Variants in MARCHF5 observed in about 807,000 individuals in gnomAD.
MARCHF5 encodes the protein membrane associated ring-CH-type finger 5, also known as E3 ubiquitin-protein ligase MARCHF5.
Under a neutral mutation model 36.5 loss-of-function variants are expected in MARCHF5, and 5 were observed. That is an observed-to-expected ratio of 0.14 (90% CI 0.07 to 0.29). The LOEUF (loss-of-function observed/expected upper bound fraction) is 0.29. Among genes scored for constraint, MARCHF5 ranks in the 10% least tolerant of loss-of-function variants. The pLI is 1.00. For synonymous variants in MARCHF5, 103 were observed against 109.9 expected (o/e 0.94, Z 0.39); for missense variants, 179 against 336.3 (o/e 0.53, Z 3.66).
chr10:92,306,728 G>A (rs186820635), intron 1 of MARCHF5, among the ~76,000 whole-genome samples: 2 of 152,186 alleles, frequency 1.3e-5, no homozygotes, highest in Admixed American at 1.3e-4. Flanking sequence ...CTGGTCAGTC[G>A]GATGGGCAGG....
chr10:92,321,512 G>T (rs959462769), intron 2 of MARCHF5, among the ~76,000 whole-genome samples: 167 of 152,028 alleles, frequency 1.1e-3, no homozygotes, highest in Admixed American at 0.011. Context: ...CTCATAATGG[G>T]TATTGGTCTG....
intron 2 of MARCHF5, among the ~76,000 whole-genome samples, chr10:92,311,603 A>G (rs1843145502): frequency 6.6e-6 from 1 of 152,178 alleles, no homozygotes; most frequent in Non-Finnish European, 1.5e-5. Flanking sequence ...CTGTGTGGAT[A>G]TAATTGAATA....
chr10:92,339,052 A>AT (rs1432797674), intron 2 of MARCHF5, among the ~76,000 whole-genome samples: 2 of 151,656 alleles, frequency 1.3e-5, no homozygotes, highest in Non-Finnish European at 2.9e-5. Flanking sequence ...CTCAAAAAAA[A>AT]AAAAATTAAA....
At chr10:92,319,537 G>A (rs1231964360) in intron 2 of MARCHF5, among the ~76,000 whole-genome samples, 3 of 151,836 alleles carry the variant, frequency 2.0e-5, no homozygotes, top group Admixed American at 6.6e-5. Context: ...CTCGTGATCT[G>A]CCTGTCTCGG....
At chr10:92,295,154 G>A (rs1260604957) in intron 1 of MARCHF5, among the ~76,000 whole-genome samples, 1 of 152,092 alleles carries the variant, frequency 6.6e-6, no homozygotes, top group Admixed American at 6.5e-5. Flanking sequence ...GTATATAGTG[G>A]TGAATTGAAC....
intron 1 of MARCHF5, among the ~76,000 whole-genome samples, chr10:92,310,905 A>G (rs1319449645): frequency 6.6e-6 from 1 of 152,260 alleles, no homozygotes; most frequent in South Asian, 2.1e-4. Context: ...TTACATAAAA[A>G]CAAAGTTCAG....
chr10:92,343,088 G>A (rs1183387899), intron 3 of MARCHF5, among the ~76,000 whole-genome samples: 1 of 152,218 alleles, frequency 6.6e-6, no homozygotes, highest in Non-Finnish European at 1.5e-5. Context: ...ACTTTAGCAT[G>A]ATTTGATACA....
intron 2 of MARCHF5, among the ~76,000 whole-genome samples, chr10:92,336,135 G>C (rs1471445462): frequency 6.6e-6 from 1 of 152,042 alleles, no homozygotes; most frequent in Non-Finnish European, 1.5e-5. Flanking sequence ...TCCCAGGTTC[G>C]AGCGATTCTT....
chr10:92,331,964 C>T (rs926831671), intron 2 of MARCHF5, among the ~76,000 whole-genome samples: 2 of 145,176 alleles, frequency 1.4e-5, no homozygotes, highest in African/African-American at 2.5e-5. Context: ...TATATATAAT[C>T]GTATATATAT....
intron 1 of MARCHF5, among the ~76,000 whole-genome samples, chr10:92,309,653 T>G (rs994269832): frequency 2.0e-5 from 3 of 152,250 alleles, no homozygotes; most frequent in African/African-American, 7.2e-5. Context: ...AACCAGCCTG[T>G]GTGCTAGTAT....
chr10:92,349,805 A>G lies in MARCHF5; in HGVS notation c.688A>G (p.Ser230Gly). The change falls in exon 5 of 6, where the codon AGT becomes GGT. Residue 230 changes from serine to glycine, a missense_variant. Transcript: ENST00000358935. ...AATAGTTGGTAAATTGATGTTCAGT[A>G]GTGTTAACTCTAATTTACAAAGGAC... ...ATIVGKLMFS[S>G]VNSNLQRTIL... The G allele has an allele frequency of 6.2e-7, 1 of 1,613,706 alleles. No homozygotes were observed. The highest frequency in any genetic ancestry group is 8.5e-7 in the Non-Finnish European group (1 of 1,179,680).
At chr10:92,325,274 TC>T (rs1180817052) in intron 2 of MARCHF5, among the ~76,000 whole-genome samples, 1 of 152,120 alleles carries the variant, frequency 6.6e-6, no homozygotes, top group Non-Finnish European at 1.5e-5. Flanking sequence ...GCCCAAGAGT[TC>T]CAGACTGCAA....
rs1292535883 is a variant in MARCHF5 at position 92,349,769 on chromosome 10, A to G, written c.652A>G (p.Thr218Ala). ...RILCGALVFPTIATIVGKLMF... is the reference protein window; with the variant it reads ...RILCGALVFPAIATIVGKLMF... ...CTTGTGTGGAGCCCTTGTCTTTCCT[A>G]CTATTGCTACAATAGTTGGTAAATT... The change falls in exon 5 of 6, where the codon ACT becomes GCT. Residue 218 changes from threonine to alanine, a missense_variant. Thr to Ala is a moderately conservative substitution (Grantham distance 58). Around this residue, in one of 3 missense-constraint regions of MARCHF5, gnomAD observed 95 missense variants for 139.5 expected, o/e 0.68. Coordinates refer to ENST00000358935, the MANE Select transcript of MARCHF5 (RefSeq NM_017824.5). The G allele has an allele frequency of 6.2e-7, 1 of 1,613,820 alleles. No individual in the cohort carries two copies. Among genetic ancestry groups the G allele is most frequent in the Non-Finnish European group, 8.5e-7 (1 of 1,179,778 alleles).
rs971597790 is a variant in MARCHF5 at position 92,318,931 on chromosome 10, T to C, written c.238+7594T>C. ...CATGTTGGCCAGGCTGGTCTCAAAC[T>C]CCTGACCTCAGGTGATCCACCCGCC... On this transcript the variant is annotated intron_variant, in intron 2 of 5. Transcript: ENST00000358935. Among the ~76,000 whole-genome samples, 5 of 151,974 alleles carry C rather than the reference T, an allele frequency of 3.3e-5. No homozygotes were observed. In the East Asian group the frequency reaches 7.7e-4, roughly 24 times the overall value.
chr10:92,291,235 C>T lies in MARCHF5; in HGVS notation c.-260C>T. 7.5e-6 allele frequency: 4 copies of T among 536,092 alleles called. No homozygotes were observed. Among genetic ancestry groups the T allele is most frequent in the East Asian group, 3.5e-5 (1 of 28,692 alleles). 33.2% of individuals were successfully genotyped at this position (536,092 alleles called of 1,614,324 possible). On this transcript the variant is annotated 5_prime_UTR_variant, in exon 1 of 6. Transcript: ENST00000358935. ...GCGGTCCATGGACCGGAACCTCGGG[C>T]CGACGGACGGGAACCCGGGCCGCGA...
At chr10:92,296,446 T>G (rs1842949512) in intron 1 of MARCHF5, among the ~76,000 whole-genome samples, 1 of 152,178 alleles carries the variant, frequency 6.6e-6, no homozygotes, top group Admixed American at 6.5e-5. Flanking sequence ...TAAGAAGTTG[T>G]TATATATTAC....
intron 1 of MARCHF5, among the ~76,000 whole-genome samples, chr10:92,298,336 A>G (rs1186478099): frequency 1.3e-5 from 2 of 152,120 alleles, no homozygotes; most frequent in African/African-American, 4.8e-5. Flanking sequence ...GAGAAAGTAC[A>G]CTTACTCACT....
intron 2 of MARCHF5, among the ~76,000 whole-genome samples, chr10:92,333,856 G>C (rs1174249183): frequency 1.3e-5 from 2 of 152,108 alleles, no homozygotes; most frequent in Admixed American, 6.5e-5. Flanking sequence ...GTACTTCTGG[G>C]TGGCTCTGAA....
chr10:92,353,683 G>A lies in MARCHF5; in HGVS notation c.*2476G>A, dbSNP rs1285740670. 6.6e-6 allele frequency: 1 copy of A among 152,546 alleles called. No individual in the cohort carries two copies. The highest frequency in any genetic ancestry group is 2.4e-5 in the African/African-American group (1 of 41,424). The allele number at this position is 152,546 out of a possible 1,614,324, so 9.4% of individuals were successfully genotyped here. On this transcript the variant is annotated 3_prime_UTR_variant, in exon 6 of 6. Coordinates refer to ENST00000358935, the MANE Select transcript of MARCHF5 (RefSeq NM_017824.5). The stretch of plus-strand genomic sequence containing the variant: ...CAGTTTATTTTCATATTTCTTTACT[G>A]TGTTATTTCTGGAAACTTTAATGTT...
Sources: gnomAD v4.1 joint callset for allele counts (sites outside exome capture counted in the v4.1 genomes callset) on GRCh38, gnomAD v4.1.1 for gene constraint, gnomAD v4.1.1 regional missense constraint, MANE v1.5 for transcripts, NCBI Gene and HGNC (gene_info 2026-07-23, HGNC 2026-07-21) for gene names.